Variants in NDUFA10 observed in about 807,000 individuals in gnomAD.
NDUFA10 encodes NADH dehydrogenase [ubiquinone] 1 alpha subcomplex subunit 10, mitochondrial.
In NDUFA10, 40 loss-of-function variants were observed where a neutral mutation model predicts 47.8. The observed-to-expected ratio is 0.84, with a 90% CI of 0.65 to 1.09. The LOEUF (loss-of-function observed/expected upper bound fraction) is 1.09, where lower values mean the gene tolerates loss of function less well. Ranked by LOEUF, NDUFA10 falls within the 50% of genes least tolerant of loss-of-function variation. NDUFA10 has a pLI of 0.00. For synonymous variants in NDUFA10, 183 were observed against 172.2 expected (o/e 1.06, Z -0.49); for missense variants, 413 against 451.1 (o/e 0.92, Z 0.76).
At chr2:239,931,831 CTTTTTTTTTTT>C (rs35581568) in intron 4 of NDUFA10, among the ~76,000 whole-genome samples, 2 of 90,184 alleles carry the variant, frequency 2.2e-5, no homozygotes, top group Non-Finnish European at 4.0e-5. Flanking sequence ...TGCACCTCTG[CTTTTTTTTTTT>C]TTTTTTTTTT....
At chr2:239,903,207 C>A (rs1335222052) in intron 4 of NDUFA10, among the ~76,000 whole-genome samples, 3 of 152,194 alleles carry the variant, frequency 2.0e-5, no homozygotes, top group Non-Finnish European at 4.4e-5. Flanking sequence ...GCTCCTTCCC[C>A]ACTGAGGAAC....
rs1380138894 is a variant in NDUFA10, at chr2:239,960,727, A to G, written c.*391T>C. ...GACGTGCCCGCACGCACATAGACGT[A>G]CGATGGGGAAATTCCCATGGAAACA... is the stretch of plus-strand genomic sequence containing the variant. On this transcript the variant is annotated 3_prime_UTR_variant, in exon 10 of 10. Transcript: ENST00000252711. 2 of 1,186,814 alleles carry G rather than the reference A, an allele frequency of 1.7e-6. No individual in the cohort carries two copies. Among genetic ancestry groups the G allele is most frequent in the Non-Finnish European group, 2.1e-6 (2 of 942,306 alleles). 73.5% of individuals were successfully genotyped at this position (1,186,814 alleles called of 1,614,324 possible).
intron 5 of NDUFA10, chr2:240,012,435 C>A (rs140412775): frequency 5.2e-5 from 8 of 154,128 alleles, no homozygotes; most frequent in Non-Finnish European, 1.2e-4. Flanking sequence ...ACTGGTATGT[C>A]CCTAGCACCA....
Position 239,958,112 on chromosome 2 carries a change from G to C in NDUFA10, c.*3006C>G, listed in dbSNP as rs1405140361. 1.3e-5 allele frequency: 2 copies of C among 152,176 alleles called. No homozygotes were observed. The highest frequency in any genetic ancestry group is 1.5e-5 in the Non-Finnish European group (1 of 68,032). 9.4% of individuals were successfully genotyped at this position (152,176 alleles called of 1,614,324 possible). On this transcript the variant is annotated 3_prime_UTR_variant, in exon 10 of 10. Transcript: ENST00000252711. ...ACTCGGGCACCTGCTTCCATTCATG[G>C]AATTCTGGCCAGCCAGTGGCTGATG...
chr2:239,966,578 T>A (rs116818454), intron 9 of NDUFA10, among the ~76,000 whole-genome samples: 40 of 152,284 alleles, frequency 2.6e-4, no homozygotes, highest in African/African-American at 9.6e-4. Context: ...GACACGCTCA[T>A]CAAACCCACT....
chr2:239,906,522 C>T lies in NDUFA10; in HGVS notation c.295-11208G>A, dbSNP rs1310560899. 6.6e-6 allele frequency among the ~76,000 whole-genome samples: 1 copy of T among 152,196 alleles called. No individual in the cohort carries two copies. The highest frequency in any genetic ancestry group is 1.5e-5 in the Non-Finnish European group (1 of 68,036). ...CTTATAGTGCCTCCCATTGCTAAGG[C>T]AGGCAGGACAACATGAAGAGGACCT... On this transcript the variant is annotated intron_variant, in intron 4 of 5. Transcript: ENST00000419408. This position sits in a 1 kb window ranked among gnomAD's most constrained non-coding sequence, Gnocchi z 4.3.
rs1387598365 is a variant in NDUFA10, at chr2:239,987,438, C to A, written c.999+2636G>T. The stretch of plus-strand genomic sequence containing the variant: ...CATTCCCAACAGCAGTTCAAATGAT[C>A]CTGACACCGAGACCACACTCGGCGA... On this transcript the variant is annotated intron_variant, in intron 9 of 9. Coordinates refer to ENST00000252711, the MANE Select transcript of NDUFA10 (RefSeq NM_004544.4). This position sits in a 1 kb window ranked among gnomAD's most constrained non-coding sequence, Gnocchi z 4.8. Among the ~76,000 whole-genome samples, 1 of 151,274 alleles carries A rather than the reference C, an allele frequency of 6.6e-6. No homozygotes were observed. The highest frequency in any genetic ancestry group is 1.5e-5 in the Non-Finnish European group (1 of 67,828).
chr2:239,956,359 C>G (rs1694653027), downstream of NDUFA10, among the ~76,000 whole-genome samples: 1 of 152,230 alleles, frequency 6.6e-6, no homozygotes, highest in Admixed American at 6.5e-5. Flanking sequence ...AGCACAGCAG[C>G]TGCTTGTCCC....
intron 9 of NDUFA10, among the ~76,000 whole-genome samples, chr2:239,972,304 G>A (rs1371717264): frequency 6.6e-6 from 1 of 152,066 alleles, no homozygotes; most frequent in African/African-American, 2.4e-5. Context: ...TTGAGTGAGG[G>A]CCTGTGTACC....
chr2:239,914,967 AACAC>A (rs563108278), intron 4 of NDUFA10, among the ~76,000 whole-genome samples: 5 of 146,538 alleles, frequency 3.4e-5, no homozygotes, highest in African/African-American at 5.3e-5. Context: ...ATACACACAG[AACAC>A]ACACACAGAC....
intron 5 of NDUFA10, chr2:240,012,056 C>T: frequency 3.0e-6 from 1 of 336,546 alleles, no homozygotes; most frequent in Non-Finnish European, 5.8e-6. Flanking sequence ...GGGGCAGCGG[C>T]CTGTCTGTCC....
chr2:239,920,796 T>C (rs774110734), intron 4 of NDUFA10, among the ~76,000 whole-genome samples: 7 of 152,156 alleles, frequency 4.6e-5, no homozygotes, highest in Non-Finnish European at 1.0e-4. Flanking sequence ...CACCTGCTAT[T>C]GAAAGAAAGC....
chr2:239,995,843 G>A (rs1040647782), intron 8 of NDUFA10, among the ~76,000 whole-genome samples: 2 of 152,100 alleles, frequency 1.3e-5, no homozygotes, highest in Non-Finnish European at 2.9e-5. Flanking sequence ...GAAAAAGAGG[G>A]GCATTACATA....
chr2:239,901,304 C>G (rs1693544722), intron 4 of NDUFA10, among the ~76,000 whole-genome samples: 1 of 152,180 alleles, frequency 6.6e-6, no homozygotes, highest in Admixed American at 6.5e-5. Flanking sequence ...GAGTTTGAGG[C>G]TGCAGTGAGC....
In NDUFA10 at chr2:240,014,754, A is replaced by C; in HGVS notation, c.654T>G (p.Ile218Met). ...DVPVPEVQRR[I>M]QKKGDPHEMK... The stretch of plus-strand genomic sequence containing the variant: ...ACTGCATTACATCTCCTTTCTTCTG[A>C]ATCCGCCTCTGGACCTCTGGAACGG... Residue 218 changes from isoleucine to methionine, a missense_variant, in exon 5 of 10, where the codon ATT becomes ATG. Coordinates refer to ENST00000252711, the MANE Select transcript of NDUFA10 (RefSeq NM_004544.4). The C allele has an allele frequency of 6.2e-7, 1 of 1,614,202 alleles. No individual in the cohort carries two copies. Among genetic ancestry groups the C allele is most frequent in the Non-Finnish European group, 8.5e-7 (1 of 1,180,034 alleles).
intron 4 of NDUFA10, among the ~76,000 whole-genome samples, chr2:239,913,308 C>G (rs922919468): frequency 1.3e-5 from 2 of 152,242 alleles, no homozygotes; most frequent in South Asian, 2.1e-4. Flanking sequence ...TCCCTTCCTC[C>G]GAGGACGCTG....
At chr2:239,982,143 C>T (rs1559350924) in intron 9 of NDUFA10, 2 of 1,612,882 alleles carry the variant, frequency 1.2e-6, no homozygotes, top group Non-Finnish European at 1.7e-6. Flanking sequence ...GTCTTCCCAC[C>T]TCCAAAGACC....
downstream of NDUFA10, among the ~76,000 whole-genome samples, chr2:239,952,625 C>CTCCCCGAGGCCTCCA (rs879922001): frequency 4.6e-5 from 7 of 152,212 alleles, no homozygotes; most frequent in African/African-American, 1.7e-4. Context: ...AGAGGCCTCC[C>CTCCCCGAGGCCTCCA]TCCCCTGGAT....
chr2:240,009,232 C>G (rs1475947774), intron 6 of NDUFA10, among the ~76,000 whole-genome samples: 1 of 152,222 alleles, frequency 6.6e-6, no homozygotes, highest in African/African-American at 2.4e-5. Flanking sequence ...TGCTCCTCTT[C>G]TTGTCTCTGA....
Sources: allele counts gnomAD v4.1 joint callset (sites outside exome capture counted in the v4.1 genomes callset), GRCh38; gene constraint gnomAD v4.1.1; non-coding constraint Gnocchi (gnomAD v3.1); transcripts MANE v1.5; gene names NCBI Gene and HGNC (gene_info 2026-07-23, HGNC 2026-07-21).